ERCC6: variants seen among roughly 807,000 people sequenced by gnomAD.
The protein encoded by ERCC6 is DNA excision repair protein ERCC-6.
ERCC6 carries 116 observed loss-of-function variants against 158.7 expected under a neutral mutation model. The ratio of observed to expected loss-of-function variants is 0.73; its 90% CI spans 0.63 to 0.85. The LOEUF is 0.85. ERCC6 is among the 40% of genes least tolerant of loss of function. The pLI is 0.00. For synonymous variants in ERCC6, 678 were observed against 659.3 expected (o/e 1.03, Z -0.43); for missense variants, 1,698 against 1,799.4 (o/e 0.94, Z 1.02).
chr10:49,485,792 T>C (rs1172902981), intron 8 of ERCC6, among the ~76,000 whole-genome samples: 1 of 151,796 alleles, frequency 6.6e-6, no homozygotes, highest in Non-Finnish European at 1.5e-5. Flanking sequence ...TAATAGAAAA[T>C]AGCAAAAATC....
intron 5 of ERCC6, among the ~76,000 whole-genome samples, chr10:49,513,564 C>T (rs926021739): frequency 4.6e-5 from 7 of 152,196 alleles, no homozygotes; most frequent in South Asian, 2.1e-4. Context: ...CAATTCGGCA[C>T]GGCTGGGAGG....
rs575489032 is a variant in ERCC6 at position 49,506,137 on chromosome 10, A to G, written c.1398-125T>C. 16 of 1,018,212 alleles carry G rather than the reference A, an allele frequency of 1.6e-5. No homozygotes were observed. In the South Asian group the frequency reaches 2.2e-4, roughly 14 times the overall value. The allele number at this position is 1,018,212 out of a possible 1,614,324, so 63.1% of individuals were successfully genotyped here. A position where few individuals can be genotyped will look rare whatever the true frequency, so the allele number is the denominator to read the frequency against. The stretch of plus-strand genomic sequence containing the variant: ...AACGGTCTCTTAGGTTAATGCTGCC[A>G]TTATTACCCAAAACACTGATATTCA... On this transcript the variant is annotated intron_variant, in intron 5 of 20. Coordinates refer to ENST00000355832, the MANE Select transcript of ERCC6 (RefSeq NM_000124.4).
intron 1 of ERCC6, among the ~76,000 whole-genome samples, chr10:49,538,320 C>A (rs1283371229): frequency 6.6e-6 from 1 of 152,176 alleles, no homozygotes; most frequent in Non-Finnish European, 1.5e-5. Flanking sequence ...GATTCCACTC[C>A]CAGTGCAATG....
intron 1 of ERCC6, among the ~76,000 whole-genome samples, chr10:49,534,766 G>T (rs1835391688): frequency 6.6e-6 from 1 of 152,208 alleles, no homozygotes; most frequent in Non-Finnish European, 1.5e-5. Context: ...TTGTTTAACT[G>T]TGAATAAGAT....
At chr10:49,443,141 G>A in the ERCC6 span, among the ~76,000 whole-genome samples, 1 of 152,144 alleles carries the variant, frequency 6.6e-6, no homozygotes, top group African/African-American at 2.4e-5. Flanking sequence ...CATTGAATGG[G>A]AAACTGAATT....
chr10:49,472,992 C>T lies in ERCC6; in HGVS notation c.2746G>A (p.Val916Met), dbSNP rs777727975. ...GTCAGGTTGACACCTAAGCCGCCCA[C>T]CCGCGTGGTCAGAAGAAACACAAAT... ...SIFVFLLTTR[V>M]GGLGVNLTGA... Residue 916 changes from valine (V) to methionine (M), a missense_variant, in exon 15 of 21, where the codon GTG (valine) becomes ATG (methionine). Coordinates refer to ENST00000355832, the MANE Select transcript of ERCC6 (RefSeq NM_000124.4). The T allele has an allele frequency of 8.7e-6, 14 of 1,614,138 alleles. No individual in the cohort carries two copies. The highest frequency in any genetic ancestry group is 1.1e-5 in the Non-Finnish European group (13 of 1,180,012).
Position 49,454,487 on chromosome 10 carries a change from A to T in ERCC6, c.*4328T>A, listed in dbSNP as rs1850455216. Reference sequence around the variant, plus strand: ...TACCAAGATTTGGATTTTCTTGAATAAGCGTTACTTTATTCTACATGCTTT... The same window carrying T: ...TACCAAGATTTGGATTTTCTTGAATTAGCGTTACTTTATTCTACATGCTTT... On this transcript the variant is annotated 3_prime_UTR_variant, in exon 21 of 21. Transcript: ENST00000355832. 6.6e-6 allele frequency among the ~76,000 whole-genome samples: 1 copy of T among 152,196 alleles called. No homozygotes were observed. The highest frequency in any genetic ancestry group is 2.4e-5 in the African/African-American group (1 of 41,450).
chr10:49,498,379 G>A (rs148551761), intron 7 of ERCC6, among the ~76,000 whole-genome samples: 1 of 152,126 alleles, frequency 6.6e-6, no homozygotes, highest in Non-Finnish European at 1.5e-5. Context: ...TTGACCTTAA[G>A]AGCTATTTTT....
rs531508840 is a variant in ERCC6, at chr10:49,461,755, T to C, written c.3779-199A>G. Among the ~76,000 whole-genome samples, 177 of 152,266 alleles carry C rather than the reference T, an allele frequency of 1.2e-3. 2 individuals are homozygous for C. Among genetic ancestry groups the C allele is most frequent in the Non-Finnish European group, 6.5e-4 (44 of 68,022 alleles). On this transcript the variant is annotated intron_variant, in intron 18 of 20. Coordinates refer to ENST00000355832, the MANE Select transcript of ERCC6 (RefSeq NM_000124.4). ...TATAAAATTCACACACAGAAACCTA[T>C]AACCTTCCTATTTACAAACAATAGC...
chr10:49,443,185 T>G, the ERCC6 span, among the ~76,000 whole-genome samples: 1 of 152,224 alleles, frequency 6.6e-6, no homozygotes, highest in Non-Finnish European at 1.5e-5. Context: ...CCATTTGTGT[T>G]GTAAAGATTC....
chr10:49,533,699 G>A (rs1378022659), intron 1 of ERCC6, among the ~76,000 whole-genome samples: 1 of 152,100 alleles, frequency 6.6e-6, no homozygotes. Flanking sequence ...GTTACTCAAG[G>A]GGCTGAGGCA....
rs907486454 is a variant in ERCC6, at chr10:49,461,142, C to T, written c.3983+210G>A. The stretch of plus-strand genomic sequence containing the variant: ...ATAAAACCAATCACTTCTCCTGAAG[C>T]CACTTTGGAAAACAGGGGATGAAAG... On this transcript the variant is annotated intron_variant, in intron 19 of 20. Coordinates refer to ENST00000355832, the MANE Select transcript of ERCC6 (RefSeq NM_000124.4). 1.3e-5 allele frequency among the ~76,000 whole-genome samples: 2 copies of T among 152,188 alleles called. 1 individual carries two copies. Among genetic ancestry groups the T allele is most frequent in the South Asian group, 4.1e-4 (2 of 4,826 alleles).
intron 12 of ERCC6, 83 bp from the exon 13 acceptor site, chr10:49,474,325 A>G: frequency 9.6e-7 from 1 of 1,046,906 alleles, no homozygotes. Flanking sequence ...TTTAACCTAT[A>G]ACACAGACTA....
At chr10:49,474,750 G>GA (rs1850845524) in intron 12 of ERCC6, among the ~76,000 whole-genome samples, 1 of 151,806 alleles carries the variant, frequency 6.6e-6, no homozygotes, top group South Asian at 2.1e-4. Context: ...TATTATATCA[G>GA]AAAAAAAACT....
At chr10:49,501,001 T>C (rs1851347091) in intron 6 of ERCC6, 1 of 297,602 alleles carries the variant, frequency 3.4e-6, no homozygotes, top group Non-Finnish European at 6.4e-6. Flanking sequence ...TAAACAAGCA[T>C]AAACTTACTA....
Position 49,500,531 on chromosome 10 carries a change from C to A in ERCC6, c.1685+7G>T, listed in dbSNP as rs755673576. 2.5e-6 allele frequency: 4 copies of A among 1,613,642 alleles called. No homozygotes were observed. The Admixed American group carries it at 6.7e-5, about 27-fold the overall frequency. On this transcript the variant is annotated splice_region_variant and intron_variant, in intron 7 of 20. Transcript: ENST00000355832. ...CACAGACTGACAGTCTGCAGAGGAG[C>A]ACTTGCCTGTAATTTGAACCACGAG...
intron 18 of ERCC6, among the ~76,000 whole-genome samples, chr10:49,467,552 A>G (rs28454254): frequency 0.1 from 15,665 of 152,132 alleles, 1,173 homozygotes; most frequent in East Asian, 0.39. Flanking sequence ...TTGTCCATTT[A>G]AAAAATTGGG....
chr10:49,508,837 G>A (rs1184057732), intron 5 of ERCC6, among the ~76,000 whole-genome samples: 1 of 152,034 alleles, frequency 6.6e-6, no homozygotes, highest in African/African-American at 2.4e-5. Flanking sequence ...TAGGGAAAGG[G>A]GGAGAACCAG....
chr10:49,521,329 G>A (rs1837154660), intron 5 of ERCC6, among the ~76,000 whole-genome samples: 1 of 152,238 alleles, frequency 6.6e-6, no homozygotes, highest in South Asian at 2.1e-4. Context: ...TGTCTTGGCT[G>A]CACAGCCTGT....
Sources: allele counts gnomAD v4.1 joint callset (sites outside exome capture counted in the v4.1 genomes callset), GRCh38; gene constraint gnomAD v4.1.1; transcripts MANE v1.5; gene names NCBI Gene and HGNC (gene_info 2026-07-23, HGNC 2026-07-21).